Variants in SPG21 observed in about 807,000 individuals in gnomAD.
SPG21 encodes the protein maspardin.
Under a neutral mutation model 38.9 loss-of-function variants are expected in SPG21, and 26 were observed. The ratio of observed to expected loss-of-function variants is 0.67; its 90% confidence interval spans 0.49 to 0.93. The LOEUF (loss-of-function observed/expected upper bound fraction) is 0.93, where lower values mean the gene tolerates loss of function less well. Among genes scored for constraint, SPG21 ranks in the 40% least tolerant of loss-of-function variants. SPG21 has a pLI of 0.00. For missense variants in SPG21, 333 were observed against 376.5 expected (o/e 0.88, Z 0.96); for synonymous variants, 136 against 128.9 (o/e 1.05, Z -0.37).
intron 1 of SPG21, 110 bp from the exon 2 acceptor site, chr15:64,983,703 G>A (rs1721089194): frequency 4.2e-6 from 3 of 721,620 alleles, no homozygotes; most frequent in Non-Finnish European, 7.3e-6. Context: ...GAAAGCCAAG[G>A]AAACTGGCTA....
At chr15:64,964,606 G>A (rs559347112) in intron 8 of SPG21, among the ~76,000 whole-genome samples, 10 of 151,974 alleles carry the variant, frequency 6.6e-5, no homozygotes, top group African/African-American at 2.4e-4. Context: ...AGAGTATGAA[G>A]GGATGGTGTT....
At chr15:64,972,879 A>G (rs1342548205) in intron 5 of SPG21, among the ~76,000 whole-genome samples, 1 of 152,076 alleles carries the variant, frequency 6.6e-6, no homozygotes, top group African/African-American at 2.4e-5. Flanking sequence ...AAACTAAAAA[A>G]TATCAGAGTG....
At chr15:64,968,340 C>A (rs1417291858) in intron 7 of SPG21, among the ~76,000 whole-genome samples, 2,093 of 109,100 alleles carry the variant, frequency 0.019, no homozygotes, top group African/African-American at 0.022. Flanking sequence ...ACCCTGTTTC[C>A]AAAAAAAAAA....
chr15:64,983,100 AT>A (rs757477310), intron 2 of SPG21: 2 of 268,778 alleles, frequency 7.4e-6, no homozygotes, highest in Non-Finnish European at 1.6e-5. Context: ...TCTACTAAAA[AT>A]ACAAAAATTA....
chr15:64,974,594 G>C lies in SPG21; in HGVS notation c.452+8C>G. The C allele has an allele frequency of 6.2e-7, 1 of 1,614,102 alleles. No individual in the cohort carries two copies. The highest frequency in any genetic ancestry group is 8.5e-7 in the Non-Finnish European group (1 of 1,180,006). On this transcript the variant is annotated splice_region_variant and intron_variant, in intron 5 of 8. Transcript: ENST00000204566. ...TTCACTGAACAAAAAAAGTAATTTT[G>C]TTCTTACCTGTTTGCAGTCCAAGTT...
At chr15:64,977,931 T>G (rs2085814384) in intron 3 of SPG21, among the ~76,000 whole-genome samples, 1 of 152,102 alleles carries the variant, frequency 6.6e-6, no homozygotes, top group Admixed American at 6.5e-5. Context: ...CAAGCGATTC[T>G]CCTGCCTCAG....
At position 64,983,485 on chromosome 15, in the gene SPG21, G is replaced by C. The variant is rs773229793; in HGVS notation, c.63+22C>G. 5 of 1,520,914 alleles carry C rather than the reference G, an allele frequency of 3.3e-6. No homozygotes were observed. In the South Asian group the frequency reaches 5.9e-5, roughly 18 times the overall value. The allele number at this position is 1,520,914 out of a possible 1,614,324, so 94.2% of individuals were successfully genotyped here. A position where few individuals can be genotyped will look rare whatever the true frequency, so the allele number is the denominator to read the frequency against. On this transcript the variant is annotated intron_variant, in intron 2 of 8. Coordinates refer to ENST00000204566, the MANE Select transcript of SPG21 (RefSeq NM_016630.7). ...ACAATACAAGATTTTGCAAATAAGAGGTATAGTAAAACCATACATACCTTT... is the reference window on the plus strand; with the variant it reads ...ACAATACAAGATTTTGCAAATAAGACGTATAGTAAAACCATACATACCTTT...
At chr15:64,972,015 T>C (rs1358198875) in intron 5 of SPG21, among the ~76,000 whole-genome samples, 2 of 152,184 alleles carry the variant, frequency 1.3e-5, no homozygotes, top group Admixed American at 1.3e-4. Context: ...TTTATATTTA[T>C]TCCATTAATT....
At position 64,983,611 on chromosome 15, in the gene SPG21, G is replaced by A. The variant is rs2085928179; in HGVS notation, c.-24-18C>T. On this transcript the variant is annotated intron_variant, in intron 1 of 8. Transcript: ENST00000204566. Reference sequence around the variant, plus strand: ...GGTTAATCCTGAAATAAAAGCATGTGATATTTCACGTCAAGAATTCATGTT... The same window carrying A: ...GGTTAATCCTGAAATAAAAGCATGTAATATTTCACGTCAAGAATTCATGTT... 7.3e-7 allele frequency: 1 copy of A among 1,374,856 alleles called. No individual in the cohort carries two copies. Among genetic ancestry groups the A allele is most frequent in the South Asian group, 1.2e-5 (1 of 80,894 alleles). The allele number at this position is 1,374,856 out of a possible 1,614,324, so 85.2% of individuals were successfully genotyped here.
chr15:64,987,968 A>G (rs1277748140), intron 1 of SPG21, among the ~76,000 whole-genome samples: 1 of 152,228 alleles, frequency 6.6e-6, no homozygotes, highest in Non-Finnish European at 1.5e-5. Context: ...CGGGAGGCAG[A>G]GGTTGCGGTG....
intron 1 of SPG21, among the ~76,000 whole-genome samples, chr15:64,987,649 T>A (rs1265013894): frequency 3.3e-5 from 5 of 152,320 alleles, no homozygotes; most frequent in East Asian, 1.9e-4. Context: ...AGAGCCACAA[T>A]ATTAGCCTTA....
Position 64,970,237 on chromosome 15 carries a change from G to C in SPG21, c.453-15C>G, listed in dbSNP as rs754072899. 2.5e-6 allele frequency: 4 copies of C among 1,595,362 alleles called. No homozygotes were observed. Among genetic ancestry groups the C allele is most frequent in the Non-Finnish European group, 3.4e-6 (4 of 1,163,550 alleles). ...TCAGCCAAAAGCTGTAAAACACAAAGACCTTATAATTTAAACTTCCAAGAC... is the reference window on the plus strand; with the variant it reads ...TCAGCCAAAAGCTGTAAAACACAAACACCTTATAATTTAAACTTCCAAGAC... On this transcript the variant is annotated splice_polypyrimidine_tract_variant and intron_variant, in intron 5 of 8. Transcript: ENST00000204566.
chr15:64,964,605 A>G (rs2085507422), intron 8 of SPG21, among the ~76,000 whole-genome samples: 1 of 151,850 alleles, frequency 6.6e-6, no homozygotes, highest in South Asian at 2.1e-4. Context: ...TAGAGTATGA[A>G]GGGATGGTGT....
intron 2 of SPG21, 50 bp downstream of exon 2, chr15:64,983,457 A>C (rs1338934612): frequency 7.6e-7 from 1 of 1,311,676 alleles, no homozygotes; most frequent in Non-Finnish European, 1.1e-6. Context: ...ATCACACACA[A>C]AAACAATACA....
chr15:64,980,586 A>C (rs2085863746), intron 3 of SPG21, among the ~76,000 whole-genome samples: 1 of 151,922 alleles, frequency 6.6e-6, no homozygotes, highest in African/African-American at 2.4e-5. Flanking sequence ...AAAATACAAA[A>C]AATTAGCTGG....
intron 3 of SPG21, among the ~76,000 whole-genome samples, chr15:64,977,013 T>C (rs2085790004): frequency 6.6e-6 from 1 of 152,224 alleles, no homozygotes. Flanking sequence ...TCAGTAAAAT[T>C]GTTCCTCTTC....
At chr15:64,986,673 CTG>C (rs1370471693) in intron 1 of SPG21, among the ~76,000 whole-genome samples, 2 of 142,814 alleles carry the variant, frequency 1.4e-5, no homozygotes, top group Non-Finnish European at 3.0e-5. Flanking sequence ...GAGTGAGAGT[CTG>C]TCTCAAAAAC....
At chr15:64,976,354 G>A (rs1319329935) in intron 4 of SPG21, 121 bp downstream of exon 4, 1 of 665,020 alleles carries the variant, frequency 1.5e-6, no homozygotes. Context: ...GAATCCGGGA[G>A]GTGGAGGTTG....
At chr15:64,979,033 A>G (rs1271004843) in intron 3 of SPG21, among the ~76,000 whole-genome samples, 1 of 152,252 alleles carries the variant, frequency 6.6e-6, no homozygotes, top group East Asian at 1.9e-4. Context: ...TAACTGCTAG[A>G]TACTAACAAA....
Sources: allele counts gnomAD v4.1 joint callset (sites outside exome capture counted in the v4.1 genomes callset), GRCh38; gene constraint gnomAD v4.1.1; transcripts MANE v1.5; gene names NCBI Gene and HGNC (gene_info 2026-07-23, HGNC 2026-07-21).